Variants in UBXN11 observed in about 807,000 individuals in gnomAD.
UBXN11 encodes the protein UBX domain protein 11.
UBXN11 carries 47 observed loss-of-function variants against 62.8 expected under a neutral mutation model. The observed-to-expected ratio is 0.75, with a 90% CI of 0.59 to 0.95. UBXN11 has a LOEUF of 0.95. UBXN11 is among the 40% of genes least tolerant of loss of function. The pLI, the probability that UBXN11 is intolerant of heterozygous loss-of-function variation, is 0.00. For synonymous variants in UBXN11, 294 were observed against 267.0 expected (o/e 1.10, Z -0.99); for missense variants, 638 against 661.7 (o/e 0.96, Z 0.39).
In UBXN11 at chr1:26,284,262, G is replaced by C; in HGVS notation, c.974-17C>G. On this transcript the variant is annotated splice_polypyrimidine_tract_variant and intron_variant, in intron 11 of 14. Coordinates refer to ENST00000374222, the MANE Select transcript of UBXN11 (RefSeq NM_001389556.1). ...TCCTGGAGCCTACAGGCAGAGTTGG[G>C]AACCGGGGCCCAGGAAGGACTATGA... 6.2e-7 allele frequency: 1 copy of C among 1,607,622 alleles called. No individual in the cohort carries two copies. Among genetic ancestry groups the C allele is most frequent in the Non-Finnish European group, 8.5e-7 (1 of 1,176,570 alleles).
intron 8 of UBXN11, among the ~76,000 whole-genome samples, chr1:26,287,196 T>C (rs1467704888): frequency 3.9e-5 from 6 of 151,944 alleles, no homozygotes; most frequent in African/African-American, 1.5e-4. Flanking sequence ...TCAGGGAGGA[T>C]GTAGGGACAG....
chr1:26,317,378 T>A (rs1239306672), intron 1 of UBXN11, among the ~76,000 whole-genome samples: 4 of 152,158 alleles, frequency 2.6e-5, no homozygotes, highest in African/African-American at 9.7e-5. Flanking sequence ...TCCCGATTCC[T>A]CACCTCCAGC....
At chr1:26,308,783 G>T (rs894455110), upstream of UBXN11, among the ~76,000 whole-genome samples, 1 of 151,790 alleles carries the variant, frequency 6.6e-6, no homozygotes. Flanking sequence ...GAACCAGATC[G>T]TGAGTGGCAT....
In UBXN11 at chr1:26,284,381, G is replaced by A. The variant is rs1363793039; in HGVS notation, c.954C>T (p.Asp318=). 6.2e-7 allele frequency: 1 copy of A among 1,614,054 alleles called. No individual in the cohort carries two copies. Among genetic ancestry groups the A allele is most frequent in the Admixed American group, 1.7e-5 (1 of 60,016 alleles). ...VGRQLMHKAL[D]RVEEHPGSRM... Reference sequence around the variant, plus strand: ...ACTCACCTGGGTGCTCCTCCACCCTGTCCAAGGCCTTGTGCATCAGCTGCC... The same window carrying A: ...ACTCACCTGGGTGCTCCTCCACCCTATCCAAGGCCTTGTGCATCAGCTGCC... Residue 318 remains aspartate (D), a synonymous_variant, in exon 11 of 15, where the codon GAC becomes GAT. Coordinates refer to ENST00000374222, the MANE Select transcript of UBXN11 (RefSeq NM_001389556.1).
upstream of UBXN11, chr1:26,306,824 C>CAGGG (rs1553165065): frequency 1.9e-4 from 1 of 5,162 alleles, no homozygotes; most frequent in African/African-American, 8.5e-4. Context: ...AGGTCCGGGG[C>CAGGG]GGGGTGGGGG....
chr1:26,309,439 C>T (rs950124124), upstream of UBXN11, among the ~76,000 whole-genome samples: 14 of 148,028 alleles, frequency 9.5e-5, no homozygotes, highest in African/African-American at 3.3e-4. Context: ...GGGGTTTCAC[C>T]ATGCTGGCCA....
chr1:26,293,631 C>G (rs58400562), intron 8 of UBXN11, among the ~76,000 whole-genome samples: 22,157 of 143,756 alleles, frequency 0.15, 1,827 homozygotes, highest in African/African-American at 0.22. Context: ...GAGGCTGAGG[C>G]AGGAGAATTG....
At position 26,296,891 on chromosome 1, in the gene UBXN11, C is replaced by T. The variant is rs116029080; in HGVS notation, c.432+28G>A. Reference sequence around the variant, plus strand: ...GAAGAGCTGGGGACTGCTGGCTGCCCGCATCCCCCGGGGCCCAGCTCTCTC... The same window carrying T: ...GAAGAGCTGGGGACTGCTGGCTGCCTGCATCCCCCGGGGCCCAGCTCTCTC... On this transcript the variant is annotated intron_variant, in intron 7 of 14. Coordinates refer to ENST00000374222, the MANE Select transcript of UBXN11 (RefSeq NM_001389556.1). 3,490 of 1,584,012 alleles carry T rather than the reference C, an allele frequency of 2.2e-3. 68 individuals are homozygous for T. The African/African-American group carries it at 0.04, about 18-fold the overall frequency.
In UBXN11 at chr1:26,300,959, A is replaced by G; in HGVS notation, c.166T>C (p.Tyr56His). ...CTCACAGGGGCACCTATGCCGCCAT[A>G]GCAGGAAGGGACTGAGATCTTTTCT... ...SEEKISVPSC[Y>H]GGIGAPVSRQ... is the part of the protein sequence containing the mutation. Residue 56 changes from tyrosine (Y) to histidine (H), a missense_variant, in exon 4 of 15, where the codon TAT becomes CAT. By Grantham distance (83) the Tyr-to-His change is moderately conservative. Transcript: ENST00000374222. 6.2e-7 allele frequency: 1 copy of G among 1,614,220 alleles called. No individual in the cohort carries two copies. Among genetic ancestry groups the G allele is most frequent in the Non-Finnish European group, 8.5e-7 (1 of 1,180,026 alleles).
In UBXN11 at chr1:26,282,844, C is replaced by T. The variant is rs765387698; in HGVS notation, c.1151+20G>A. 2 of 1,613,608 alleles carry T rather than the reference C, an allele frequency of 1.2e-6. No individual in the cohort carries two copies. The highest frequency in any genetic ancestry group is 2.2e-5 in the South Asian group (2 of 91,070). On this transcript the variant is annotated intron_variant, in intron 13 of 14. Transcript: ENST00000374222. ...GTGACCCAACGCCCCCAGGCCCTCACCTCCTCATCCCGCCCTCACCTCTCT... is the reference window on the plus strand; with the variant it reads ...GTGACCCAACGCCCCCAGGCCCTCATCTCCTCATCCCGCCCTCACCTCTCT...
At chr1:26,294,068 C>T in intron 8 of UBXN11, 137 bp downstream of exon 8, 2 of 1,347,328 alleles carry the variant, frequency 1.5e-6, no homozygotes, top group South Asian at 2.8e-5. Context: ...GTCTCAGGGG[C>T]AAGTTGTGGG....
intron 8 of UBXN11, among the ~76,000 whole-genome samples, chr1:26,286,900 T>A (rs2073145517): frequency 6.6e-6 from 1 of 152,138 alleles, no homozygotes; most frequent in Admixed American, 6.5e-5. Context: ...GGTTTCATCA[T>A]ATTGGTCAGG....
chr1:26,286,942 G>A (rs1233378588), intron 8 of UBXN11, among the ~76,000 whole-genome samples: 14 of 152,172 alleles, frequency 9.2e-5, no homozygotes, highest in African/African-American at 3.1e-4. Flanking sequence ...CAGGTGATCC[G>A]CCCGCCTTGG....
intron 1 of UBXN11, among the ~76,000 whole-genome samples, chr1:26,316,388 G>A (rs2073795104): frequency 6.6e-6 from 1 of 151,866 alleles, no homozygotes; most frequent in African/African-American, 2.4e-5. Flanking sequence ...TGTAAATGAG[G>A]CCTAAAGTAG....
intron 2 of UBXN11, 41 bp downstream of exon 2, chr1:26,302,772 C>T (rs1168354504): frequency 2.5e-6 from 4 of 1,595,770 alleles, no homozygotes; most frequent in Non-Finnish European, 2.6e-6. Context: ...GAAGAGGATA[C>T]AGAGGCGGGG....
intron 8 of UBXN11, among the ~76,000 whole-genome samples, chr1:26,286,314 G>A (rs1190905922): frequency 3.3e-5 from 5 of 152,212 alleles, no homozygotes. Flanking sequence ...AGGAAACTGA[G>A]GGTTAGAGAA....
chr1:26,285,807 C>A lies in UBXN11; in HGVS notation c.774+16G>T, dbSNP rs777360638. ...CAGGGGCACTAGAGCACCACCCCCC[C>A]CAACACCGCTCCTACCTGTGTGGAG... On this transcript the variant is annotated intron_variant, in intron 9 of 14. Coordinates refer to ENST00000374222, the MANE Select transcript of UBXN11 (RefSeq NM_001389556.1). The A allele has an allele frequency of 2.0e-5, 31 of 1,582,316 alleles. No homozygotes were observed. The highest frequency in any genetic ancestry group is 6.8e-5 in the East Asian group (3 of 44,146).
At chr1:26,298,171 C>G in intron 4 of UBXN11, 109 bp from the exon 5 acceptor site, 1 of 1,099,416 alleles carries the variant, frequency 9.1e-7, no homozygotes, top group South Asian at 1.4e-5. Flanking sequence ...GTACTGAGAG[C>G]AGCTCCCACT....
intron 1 of UBXN11, among the ~76,000 whole-genome samples, chr1:26,304,163 T>C (rs2073606497): frequency 6.6e-6 from 1 of 152,244 alleles, no homozygotes; most frequent in Non-Finnish European, 1.5e-5. Flanking sequence ...CTATGCTGCC[T>C]GGAGGCAGCC....
Sources: allele counts gnomAD v4.1 joint callset (sites outside exome capture counted in the v4.1 genomes callset), GRCh38; gene constraint gnomAD v4.1.1; transcripts MANE v1.5; gene names NCBI Gene and HGNC (gene_info 2026-07-23, HGNC 2026-07-21).